Variants in KXD1 observed in about 807,000 individuals in gnomAD.
KXD1 encodes the protein kxDL motif-containing protein 1.
Under a neutral mutation model 12.1 loss-of-function variants are expected in KXD1, and 5 were observed. The observed-to-expected ratio is 0.41, with a 90% CI of 0.22 to 0.87. The LOEUF (loss-of-function observed/expected upper bound fraction) is 0.87, where lower values mean the gene tolerates loss of function less well. Among genes scored for constraint, KXD1 ranks in the 40% least tolerant of loss-of-function variants. The pLI is 0.31. For synonymous variants in KXD1, 98 were observed against 100.5 expected, an observed-to-expected ratio of 0.98 and a Z score of 0.15; for missense variants, 193 against 244.9, an observed-to-expected ratio of 0.79 and a Z score of 1.41.
chr19:18,564,540 A>G (rs558498077), intron 2 of KXD1, among the ~76,000 whole-genome samples: 2 of 152,196 alleles, frequency 1.3e-5, no homozygotes, highest in African/African-American at 2.4e-5. Context: ...GGAGAATGGT[A>G]TGAACCTGGG....
intron 3 of KXD1, among the ~76,000 whole-genome samples, chr19:18,566,757 C>T (rs1183797799): frequency 1.3e-5 from 2 of 151,450 alleles, no homozygotes; most frequent in East Asian, 3.9e-4. Context: ...GGCACCACTG[C>T]ACTCCACCCT....
At chr19:18,559,945 CTCTT>C (rs983404242) in intron 1 of KXD1, 4 of 151,486 alleles carry the variant, frequency 2.6e-5, no homozygotes, top group African/African-American at 7.3e-5. Flanking sequence ...TTGTCTCTCT[CTCTT>C]TCTCTCCTTC....
intron 4 of KXD1, 35 bp from the exon 5 acceptor site, chr19:18,568,367 G>T: frequency 6.5e-7 from 1 of 1,528,376 alleles, no homozygotes; most frequent in South Asian, 1.1e-5. Flanking sequence ...GCTTGGCAAG[G>T]TGACAAAACC....
chr19:18,566,169 G>A (rs1273867035), intron 3 of KXD1, among the ~76,000 whole-genome samples: 3 of 152,128 alleles, frequency 2.0e-5, no homozygotes, highest in Non-Finnish European at 2.9e-5. Context: ...AACACAGTGC[G>A]GCTGGGCGAG....
chr19:18,564,773 A>G, intron 2 of KXD1, 96 bp from the exon 3 acceptor site: 1 of 1,396,296 alleles, frequency 7.2e-7, no homozygotes, highest in Non-Finnish European at 9.9e-7. Context: ...AAAGGTTGTG[A>G]AGCAGGCAAG....
intron 3 of KXD1, among the ~76,000 whole-genome samples, chr19:18,566,408 A>T (rs1600589193): frequency 1.3e-5 from 1 of 76,862 alleles, no homozygotes; most frequent in South Asian, 3.6e-4. Flanking sequence ...GTGAGCCGAG[A>T]TCGCGCCACT....
chr19:18,566,675 C>G (rs1975252999), intron 3 of KXD1, among the ~76,000 whole-genome samples: 1 of 151,642 alleles, frequency 6.6e-6, no homozygotes, highest in African/African-American at 2.4e-5. Context: ...TGCCTGTAAT[C>G]CCAGCTACTT....
intron 3 of KXD1, among the ~76,000 whole-genome samples, chr19:18,566,687 G>A (rs1001472505): frequency 2.0e-5 from 3 of 152,050 alleles, no homozygotes; most frequent in Non-Finnish European, 2.9e-5. Context: ...CAGCTACTTG[G>A]GAGGCTGAGG....
rs1180042685 is a variant in KXD1 at position 18,568,895 on chromosome 19, G to A, written c.*264G>A. 2.0e-6 allele frequency: 1 copy of A among 500,472 alleles called. No homozygotes were observed. The highest frequency in any genetic ancestry group is 3.6e-6 in the Non-Finnish European group (1 of 278,400). The allele number at this position is 500,472 out of a possible 1,614,324, so 31.0% of individuals were successfully genotyped here. A position where few individuals can be genotyped will look rare whatever the true frequency, so the allele number is the denominator to read the frequency against. On this transcript the variant is annotated 3_prime_UTR_variant, in exon 5 of 5. Transcript: ENST00000222307. ...ACGCCCATTCCAGCTGGAGTCGTGG[G>A]GCTGGGCACAGGGGAATTTTTCCAG... is the stretch of plus-strand genomic sequence containing the variant.
chr19:18,559,033 A>C (rs914361922), intron 1 of KXD1: 2 of 131,226 alleles, frequency 1.5e-5, no homozygotes, highest in Non-Finnish European at 3.1e-5. Context: ...TGTAGCCCAC[A>C]CTAGAATGCA....
intron 3 of KXD1, 62 bp from the exon 4 acceptor site, chr19:18,567,070 A>G: frequency 6.5e-7 from 1 of 1,533,674 alleles, no homozygotes; most frequent in Non-Finnish European, 9.0e-7. Flanking sequence ...GCTTGTGGCC[A>G]GCACCAGGCC....
At chr19:18,564,184 T>C (rs1332713670) in intron 2 of KXD1, among the ~76,000 whole-genome samples, 1 of 152,058 alleles carries the variant, frequency 6.6e-6, no homozygotes, top group Admixed American at 6.6e-5. Context: ...CATGCCCGGC[T>C]GGTCTCCTGT....
intron 2 of KXD1, among the ~76,000 whole-genome samples, chr19:18,563,344 CTTT>C (rs11342485): frequency 9.8e-5 from 12 of 122,492 alleles, no homozygotes; most frequent in Non-Finnish European, 1.2e-4. Context: ...TCTCCTGTGT[CTTT>C]TTTTTTTTTT....
intron 1 of KXD1, chr19:18,559,876 TTTCC>T: frequency 6.6e-6 from 1 of 151,856 alleles, no homozygotes; most frequent in East Asian, 1.9e-4. Context: ...TTTCTTTCTC[TTTCC>T]TTTCTTTCTC....
In KXD1 at chr19:18,562,177, C is replaced by A; in HGVS notation, c.101+20C>A. ...GAACATGTGAGTGGCGGCTGGGGGACCTGAGCGTGGGAAGGAATCCACAGG... is the reference window on the plus strand; with the variant it reads ...GAACATGTGAGTGGCGGCTGGGGGAACTGAGCGTGGGAAGGAATCCACAGG... On this transcript the variant is annotated intron_variant, in intron 2 of 4. Transcript: ENST00000222307. 1 of 1,561,578 alleles carries A rather than the reference C, an allele frequency of 6.4e-7. No homozygotes were observed. The highest frequency in any genetic ancestry group is 8.7e-7 in the Non-Finnish European group (1 of 1,147,982).
rs201139855 is a variant in KXD1 at position 18,568,793 on chromosome 19, T to TG, written c.*169dup. 5.4e-3 allele frequency: 3,223 copies of TG among 601,644 alleles called. 73 individuals are homozygous for TG. Among genetic ancestry groups the TG allele is most frequent in the African/African-American group, 0.047 (2,555 of 53,894 alleles). 37.3% of individuals were successfully genotyped at this position (601,644 alleles called of 1,614,324 possible). On this transcript the variant is annotated 3_prime_UTR_variant, in exon 5 of 5. Transcript: ENST00000222307. The stretch of plus-strand genomic sequence containing the variant: ...TCTCTCCCGAGGGGTGTGGAATTCC[T>TG]GGGGGGGTCTTTAATTCTGGCTCCT...
intron 2 of KXD1, among the ~76,000 whole-genome samples, chr19:18,562,917 C>T (rs1455560489): frequency 7.9e-5 from 12 of 152,366 alleles, no homozygotes; most frequent in Admixed American, 7.2e-4. Context: ...TGAAACCTTG[C>T]CCTAATTCAG....
In KXD1 at chr19:18,562,502, C is replaced by T. The variant is rs1974967882; in HGVS notation, c.101+345C>T. The stretch of plus-strand genomic sequence containing the variant: ...TGAGACAGAGTTTTGCTCTTGTTGC[C>T]CAGGCTAGAGTGCAATGGTGTGACC... On this transcript the variant is annotated intron_variant, in intron 2 of 4. Transcript: ENST00000222307. Among the ~76,000 whole-genome samples the T allele has an allele frequency of 2.6e-5, 4 of 152,282 alleles. No individual in the cohort carries two copies. The East Asian group carries it at 5.8e-4, about 22-fold the overall frequency.
At chr19:18,560,135 G>A (rs556596037) in intron 1 of KXD1, 15 of 152,140 alleles carry the variant, frequency 9.9e-5, no homozygotes, top group African/African-American at 3.6e-4. Flanking sequence ...CATCCAAGTA[G>A]CTGCGACTAC....
Sources: gnomAD v4.1 joint callset for allele counts (sites outside exome capture counted in the v4.1 genomes callset) on GRCh38, gnomAD v4.1.1 for gene constraint, MANE v1.5 for transcripts, NCBI Gene and HGNC (gene_info 2026-07-23, HGNC 2026-07-21) for gene names.